Variants in CDON observed in about 807,000 individuals in gnomAD.
The protein encoded by CDON is cell adhesion associated, oncogene regulated, also known as cell adhesion molecule-related/down-regulated by oncogenes.
CDON carries 73 observed loss-of-function variants against 120.9 expected under a neutral mutation model. The observed-to-expected ratio is 0.60, with a 90% CI of 0.50 to 0.73. The LOEUF (loss-of-function observed/expected upper bound fraction) is 0.73, where lower values mean the gene tolerates loss of function less well. CDON is among the 30% of genes least tolerant of loss of function. The pLI is 0.00. For missense variants in CDON, 1,470 were observed against 1,587.3 expected (o/e 0.93, Z 1.26); for synonymous variants, 566 against 573.5 (o/e 0.99, Z 0.19).
Position 126,001,779 on chromosome 11 carries a change from A to C in CDON, c.2098T>G (p.Ser700Ala), listed in dbSNP as rs1382929875. 6.2e-7 allele frequency: 1 copy of C among 1,613,374 alleles called. No individual in the cohort carries two copies. The highest frequency in any genetic ancestry group is 8.5e-7 in the Non-Finnish European group (1 of 1,179,298). ...PVGIPKYPVV[S>A]EAANNNFGVV... ...CCAAAATTGTTGTTTGCAGCCTCTG[A>C]AACAACGGGATACTTAGGGATGCCC... The change falls in exon 11 of 20, where the codon TCA (serine) becomes GCA (alanine). Residue 700 changes from serine (S) to alanine (A), a missense_variant. By Grantham distance (99) the Ser-to-Ala change is moderately conservative (BLOSUM62 1). Transcript: ENST00000531738.
chr11:126,042,978 G>A (rs2134849090), intron 1 of CDON, among the ~76,000 whole-genome samples: 1 of 152,240 alleles, frequency 6.6e-6, no homozygotes, highest in East Asian at 1.9e-4. Context: ...GGGAACCTAA[G>A]GCTGTTTCAC....
At chr11:126,048,890 A>C (rs1028375367) in intron 1 of CDON, among the ~76,000 whole-genome samples, 3 of 152,128 alleles carry the variant, frequency 2.0e-5, no homozygotes, top group Non-Finnish European at 2.9e-5. Context: ...TTTAGTAGAG[A>C]CGGAGTTTCT....
intron 1 of CDON, among the ~76,000 whole-genome samples, chr11:126,061,546 G>C (rs1169478051): frequency 6.6e-6 from 1 of 152,160 alleles, no homozygotes; most frequent in African/African-American, 2.4e-5. Flanking sequence ...CCTCTCCTTG[G>C]AGACACTGTC....
At chr11:126,007,694 G>A (rs1947167923) in intron 8 of CDON, among the ~76,000 whole-genome samples, 1 of 152,210 alleles carries the variant, frequency 6.6e-6, no homozygotes, top group Admixed American at 6.5e-5. Context: ...TCCACTGTCT[G>A]AGTATCAAAA....
chr11:126,040,763 C>T (rs184534823), intron 1 of CDON, among the ~76,000 whole-genome samples: 165 of 126,510 alleles, frequency 1.3e-3, no homozygotes, highest in African/African-American at 4.7e-3. Flanking sequence ...GGCAGTGAGC[C>T]GAGATGGTGC....
Position 126,057,467 on chromosome 11 carries a change from A to C in CDON, c.-62+5112T>G, listed in dbSNP as rs549681403. The stretch of plus-strand genomic sequence containing the variant: ...ATAAGACTACATACTGTAGGAGTCC[A>C]TGTTCATACAGTTCACGAACAGGCA... On this transcript the variant is annotated intron_variant, in intron 1 of 19. Transcript: ENST00000531738. Among the ~76,000 whole-genome samples the C allele has an allele frequency of 9.8e-5, 15 of 152,354 alleles. No individual in the cohort carries two copies. In the South Asian group the frequency reaches 3.1e-3, roughly 32 times the overall value.
chr11:126,021,216 C>G, intron 3 of CDON, 32 bp downstream of exon 3: 1 of 1,611,204 alleles, frequency 6.2e-7, no homozygotes, highest in Non-Finnish European at 8.5e-7. Flanking sequence ...TTCAAGAAAA[C>G]CCATACCTAA....
At chr11:126,025,845 GGAGA>G (rs746586717) in intron 1 of CDON, among the ~76,000 whole-genome samples, 2 of 152,106 alleles carry the variant, frequency 1.3e-5, no homozygotes, top group African/African-American at 2.4e-5. Context: ...TATTCAAGTA[GGAGA>G]GATAGACAAT....
chr11:126,050,433 AG>A (rs1323672918), intron 1 of CDON, among the ~76,000 whole-genome samples: 1 of 151,538 alleles, frequency 6.6e-6, no homozygotes, highest in African/African-American at 2.4e-5. Context: ...TCGATCATTT[AG>A]TCTTCATGAT....
chr11:125,972,969 A>G (rs1398476015), intron 18 of CDON, among the ~76,000 whole-genome samples: 2 of 145,146 alleles, frequency 1.4e-5, no homozygotes, highest in Non-Finnish European at 3.0e-5. Flanking sequence ...ACACCTAGAC[A>G]TCATCTTCAA....
At chr11:125,994,819 A>AT (rs1348655200) in intron 13 of CDON, 52 bp downstream of exon 13, 34 of 1,481,946 alleles carry the variant, frequency 2.3e-5, no homozygotes, top group Non-Finnish European at 2.9e-5. Context: ...TATTAAATTG[A>AT]TTGTTAACAT....
intron 2 of CDON, 144 bp downstream of exon 2, chr11:126,023,257 T>C: frequency 1.3e-6 from 1 of 775,258 alleles, no homozygotes; most frequent in East Asian, 2.4e-5. Flanking sequence ...TTTATCGAGT[T>C]TTTAAATCAT....
intron 1 of CDON, among the ~76,000 whole-genome samples, chr11:126,051,829 A>G (rs749741782): frequency 6.6e-6 from 1 of 151,786 alleles, no homozygotes; most frequent in Non-Finnish European, 1.5e-5. Flanking sequence ...TTGTATTTTT[A>G]GTAGAGACAG....
In CDON at chr11:125,960,059, T is replaced by A. The variant is rs754757550; in HGVS notation, c.*883A>T. 1 of 152,190 alleles carries A rather than the reference T, an allele frequency of 6.6e-6. No homozygotes were observed. The highest frequency in any genetic ancestry group is 1.5e-5 in the Non-Finnish European group (1 of 68,038). The allele number at this position is 152,190 out of a possible 1,614,324, so 9.4% of individuals were successfully genotyped here. A position where few individuals can be genotyped will look rare whatever the true frequency, so the allele number is the denominator to read the frequency against. On this transcript the variant is annotated 3_prime_UTR_variant, in exon 20 of 20. Coordinates refer to ENST00000531738, the MANE Select transcript of CDON (RefSeq NM_001378964.1). Reference sequence around the variant, plus strand: ...ACACTATGACTAGTGCCTAGCAAACTGAACATCACTCGTGCCCACGTGCAG... The same window carrying A: ...ACACTATGACTAGTGCCTAGCAAACAGAACATCACTCGTGCCCACGTGCAG...
intron 11 of CDON, among the ~76,000 whole-genome samples, chr11:125,999,475 G>T (rs1199358385): frequency 1.3e-5 from 2 of 152,144 alleles, no homozygotes; most frequent in Non-Finnish European, 2.9e-5. Flanking sequence ...TTCCTAATCT[G>T]TAAAACAGAT....
intron 14 of CDON, among the ~76,000 whole-genome samples, chr11:125,993,082 T>G (rs947491267): frequency 6.6e-6 from 1 of 152,180 alleles, no homozygotes; most frequent in Non-Finnish European, 1.5e-5. Context: ...TTCTTGCAAC[T>G]TCCCCTCCCC....
At position 126,039,262 on chromosome 11, in the gene CDON, G is replaced by C. The variant is rs183341797; in HGVS notation, c.-61-15725C>G. Among the ~76,000 whole-genome samples the C allele has an allele frequency of 2.1e-3, 316 of 152,238 alleles. 6 individuals carry two copies. In the South Asian group the frequency reaches 0.03, roughly 14 times the overall value. Reference sequence around the variant, plus strand: ...TGTACATAGGTCATTTTACTCAATGGAAACTATAGCAATGGTTCCCAAACT... The same window carrying C: ...TGTACATAGGTCATTTTACTCAATGCAAACTATAGCAATGGTTCCCAAACT... On this transcript the variant is annotated intron_variant, in intron 1 of 19. Transcript: ENST00000531738.
At chr11:126,060,406 T>C (rs917049848) in intron 1 of CDON, among the ~76,000 whole-genome samples, 1 of 152,218 alleles carries the variant, frequency 6.6e-6, no homozygotes, top group Non-Finnish European at 1.5e-5. Flanking sequence ...CTGGCTCATA[T>C]CATTACACGT....
At chr11:126,027,299 A>T (rs11602788) in intron 1 of CDON, among the ~76,000 whole-genome samples, 15,841 of 152,214 alleles carry the variant, frequency 0.1, 1,061 homozygotes, top group Middle Eastern at 0.25. Context: ...CCCCAGGCCC[A>T]ACCTCACAAA....
Sources: allele counts gnomAD v4.1 joint callset (sites outside exome capture counted in the v4.1 genomes callset), GRCh38; gene constraint gnomAD v4.1.1; transcripts MANE v1.5; gene names NCBI Gene and HGNC (gene_info 2026-07-23, HGNC 2026-07-21).